The following TRHDE variants were observed in gnomAD, a reference collection of about 807,000 sequenced individuals.
TRHDE encodes the protein thyrotropin-releasing hormone-degrading ectoenzyme.
TRHDE carries 72 observed loss-of-function variants against 125.7 expected under a neutral mutation model. The ratio of observed to expected loss-of-function variants is 0.57; its 90% confidence interval spans 0.47 to 0.70. TRHDE has a LOEUF of 0.70. Among genes scored for constraint, TRHDE ranks in the 30% least tolerant of loss-of-function variants. The pLI is 0.00. For synonymous variants in TRHDE, 509 were observed against 509.1 expected (o/e 1.00, Z 0.00); for missense variants, 1,110 against 1,327.1 (o/e 0.84, Z 2.54).
chr12:72,505,506 G>A (rs190228304), intron 6 of TRHDE, among the ~76,000 whole-genome samples: 88 of 152,146 alleles, frequency 5.8e-4, no homozygotes, highest in Admixed American at 1.6e-3. Flanking sequence ...AGGTGGAGAG[G>A]GTTGCTACAA....
At chr12:72,470,041 T>TC in intron 4 of TRHDE, 129 bp downstream of exon 4, 1 of 870,072 alleles carries the variant, frequency 1.1e-6, no homozygotes, top group South Asian at 1.9e-5. Flanking sequence ...ACTGTGTAGT[T>TC]CTTTCTGGAA....
chr12:72,231,630 C>T lies in TRHDE; in HGVS notation n.279+125878C>T, dbSNP rs1407846249. ...TTCTATGGTCTGTAGCTGGTTACTTCTAAAAAAAACTACCCATTTTCTTGG... is the reference window on the plus strand; with the variant it reads ...TTCTATGGTCTGTAGCTGGTTACTTTTAAAAAAAACTACCCATTTTCTTGG... On this transcript the variant is annotated intron_variant and non_coding_transcript_variant, in intron 2 of 4. Coordinates refer to the TRHDE transcript ENST00000548156. Among the ~76,000 whole-genome samples, 5 of 152,108 alleles carry T rather than the reference C, an allele frequency of 3.3e-5. No homozygotes were observed. The East Asian group carries it at 9.6e-4, about 29-fold the overall frequency.
At chr12:72,325,602 C>T (rs2135714528) in intron 2 of TRHDE, among the ~76,000 whole-genome samples, 1 of 152,086 alleles carries the variant, frequency 6.6e-6, no homozygotes, top group African/African-American at 2.4e-5. Flanking sequence ...AGTATTTTAC[C>T]TATATTTAAT....
intron 17 of TRHDE, among the ~76,000 whole-genome samples, chr12:72,654,416 A>G (rs1278667207): frequency 2.0e-5 from 3 of 152,098 alleles, no homozygotes; most frequent in Non-Finnish European, 4.4e-5. Context: ...GCTGGCATTC[A>G]CGGAGCTCTG....
At chr12:72,151,574 A>C (rs1344709392) in intron 2 of TRHDE, among the ~76,000 whole-genome samples, 3 of 151,840 alleles carry the variant, frequency 2.0e-5, no homozygotes, top group Non-Finnish European at 2.9e-5. Context: ...ATTTTTGTAT[A>C]AGGTGTAAGG....
intron 3 of TRHDE, among the ~76,000 whole-genome samples, chr12:72,397,828 AT>A (rs1565726935): frequency 1.4e-3 from 215 of 152,050 alleles, no homozygotes; most frequent in African/African-American, 5.0e-3. Context: ...TAATTAATTA[AT>A]TTATTTATTT....
intron 2 of TRHDE, among the ~76,000 whole-genome samples, chr12:72,188,149 A>G (rs964003394): frequency 3.9e-5 from 6 of 152,242 alleles, no homozygotes; most frequent in African/African-American, 1.4e-4. Flanking sequence ...TTGTTGACAT[A>G]TGAGTCAGAG....
At position 72,653,139 on chromosome 12, in the gene TRHDE, G is replaced by T. The variant is rs1388222290; in HGVS notation, c.2967G>T (p.Trp989Cys). 6.2e-7 allele frequency: 1 copy of T among 1,608,996 alleles called. No individual in the cohort carries two copies. The highest frequency in any genetic ancestry group is 2.2e-5 in the East Asian group (1 of 44,624). ...CCTGGAAGTTTTTCAGGGATAAATG[G>T]AAGATATTAAATACCAGGTAGAAAT... ...DLAWKFFRDK[W>C]KILNTRYGEA... Residue 989 changes from tryptophan (W) to cysteine (C), a missense_variant, in exon 17 of 19, where the codon TGG becomes TGT. Coordinates refer to ENST00000261180, the MANE Select transcript of TRHDE (RefSeq NM_013381.3).
At chr12:72,150,226 G>A (rs919654206) in intron 2 of TRHDE, among the ~76,000 whole-genome samples, 1 of 152,078 alleles carries the variant, frequency 6.6e-6, no homozygotes, top group African/African-American at 2.4e-5. Context: ...TGAGTGACAG[G>A]GAGAAGTACA....
At chr12:72,129,030 A>G (rs1234920455) in intron 2 of TRHDE, among the ~76,000 whole-genome samples, 1 of 152,218 alleles carries the variant, frequency 6.6e-6, no homozygotes, top group Non-Finnish European at 1.5e-5. Context: ...GAAATATTAA[A>G]AGCAGCCAGA....
chr12:72,187,145 A>G (rs1242735706), intron 2 of TRHDE, among the ~76,000 whole-genome samples: 2 of 152,162 alleles, frequency 1.3e-5, no homozygotes, highest in African/African-American at 2.4e-5. Context: ...ATATAGGATT[A>G]ATTCATAATG....
intron 4 of TRHDE, among the ~76,000 whole-genome samples, chr12:72,470,815 T>C (rs966938297): frequency 6.6e-6 from 1 of 150,894 alleles, no homozygotes; most frequent in Non-Finnish European, 1.5e-5. Flanking sequence ...AATACTGACT[T>C]AATGATGAAG....
chr12:72,557,480 T>A (rs1592534163), intron 7 of TRHDE, among the ~76,000 whole-genome samples: 1 of 152,288 alleles, frequency 6.6e-6, no homozygotes, highest in East Asian at 1.9e-4. Flanking sequence ...ATCCATATGG[T>A]TTTTATGGAA....
intron 6 of TRHDE, among the ~76,000 whole-genome samples, chr12:72,535,470 C>T (rs11837406): frequency 1.5e-4 from 23 of 151,956 alleles, no homozygotes; most frequent in African/African-American, 5.3e-4. Flanking sequence ...TAGAGGACTC[C>T]AAGGCTCCAA....
At chr12:72,453,347 C>CT (rs1163132252) in intron 3 of TRHDE, among the ~76,000 whole-genome samples, 1 of 152,080 alleles carries the variant, frequency 6.6e-6, no homozygotes, top group Non-Finnish European at 1.5e-5. Context: ...GAGTGATTAC[C>CT]TAGGGTATCT....
intron 3 of TRHDE, among the ~76,000 whole-genome samples, chr12:72,450,813 CTTTTG>C (rs923126660): frequency 3.3e-5 from 5 of 152,016 alleles, no homozygotes; most frequent in African/African-American, 9.7e-5. Flanking sequence ...CACTTAGTAT[CTTTTG>C]TTTTTTCTGT....
chr12:72,559,500 G>T (rs1446875445), intron 7 of TRHDE, among the ~76,000 whole-genome samples: 2 of 152,042 alleles, frequency 1.3e-5, no homozygotes, highest in South Asian at 2.1e-4. Flanking sequence ...GTTAAATAGA[G>T]TTTTAACTTT....
intron 2 of TRHDE, among the ~76,000 whole-genome samples, chr12:72,227,356 C>G (rs2367896): frequency 6.6e-6 from 1 of 151,906 alleles, no homozygotes; most frequent in African/African-American, 2.4e-5. Context: ...GGCAGGCAAG[C>G]GAGAGCTTGT....
At chr12:72,510,967 G>A (rs1419256248) in intron 6 of TRHDE, among the ~76,000 whole-genome samples, 1 of 152,152 alleles carries the variant, frequency 6.6e-6, no homozygotes, top group East Asian at 1.9e-4. Context: ...TGGTCGTTAT[G>A]GGAAGGCTGC....
Sources: allele counts gnomAD v4.1 joint callset (sites outside exome capture counted in the v4.1 genomes callset), GRCh38; gene constraint gnomAD v4.1.1; transcripts MANE v1.5; gene names NCBI Gene and HGNC (gene_info 2026-07-23, HGNC 2026-07-21).